The following RSRC1 variants were observed in gnomAD, a reference collection of about 807,000 sequenced individuals.
RSRC1 encodes arginine and serine rich coiled-coil 1.
Under a neutral mutation model 49.1 loss-of-function variants are expected in RSRC1, and 39 were observed. The observed-to-expected ratio is 0.79, with a 90% CI of 0.61 to 1.04. The LOEUF is 1.04. Among genes scored for constraint, RSRC1 ranks in the 50% least tolerant of loss-of-function variants. The pLI is 0.00. For synonymous variants in RSRC1, 143 were observed against 130.8 expected (o/e 1.09, Z -0.63); for missense variants, 388 against 402.4 (o/e 0.96, Z 0.31).
At chr3:158,144,460 G>A (rs558348903) in intron 3 of RSRC1, among the ~76,000 whole-genome samples, 1 of 152,248 alleles carries the variant, frequency 6.6e-6, no homozygotes, top group South Asian at 2.1e-4. Flanking sequence ...CAAAGGACAT[G>A]AACTCATCAT....
intron 5 of RSRC1, among the ~76,000 whole-genome samples, chr3:158,332,908 A>G (rs1051179005): frequency 4.0e-5 from 6 of 151,824 alleles, no homozygotes; most frequent in Non-Finnish European, 5.9e-5. Context: ...TGCTACTTCC[A>G]TCATGGATTT....
chr3:158,202,357 C>A (rs931743683), intron 3 of RSRC1, among the ~76,000 whole-genome samples: 1 of 151,096 alleles, frequency 6.6e-6, no homozygotes, highest in Non-Finnish European at 1.5e-5. Flanking sequence ...GGAAGTGGGT[C>A]ATCATAAAGG....
intron 4 of RSRC1, among the ~76,000 whole-genome samples, chr3:158,227,770 G>T (rs1484335978): frequency 6.6e-6 from 1 of 152,052 alleles, no homozygotes; most frequent in Non-Finnish European, 1.5e-5. Context: ...TTTCAGCTTT[G>T]TGGGCATACA....
At chr3:158,389,892 A>T (rs558016712) in intron 6 of RSRC1, among the ~76,000 whole-genome samples, 11 of 152,342 alleles carry the variant, frequency 7.2e-5, no homozygotes, top group African/African-American at 2.6e-4. Flanking sequence ...AACTAAAAAC[A>T]TCATTATACA....
intron 3 of RSRC1, among the ~76,000 whole-genome samples, chr3:158,163,949 T>C (rs1346520896): frequency 6.6e-6 from 1 of 152,158 alleles, no homozygotes; most frequent in African/African-American, 2.4e-5. Flanking sequence ...CTTCCCTTAC[T>C]ATAAGTCTTC....
chr3:158,118,454 TGTGTGTGTGC>T (rs199868705), intron 1 of RSRC1, among the ~76,000 whole-genome samples: 1,896 of 137,706 alleles, frequency 0.014, 59 homozygotes, highest in African/African-American at 0.05. Flanking sequence ...TGTGTGTGTG[TGTGTGTGTGC>T]GCGTGCGCGT....
At chr3:158,518,095 CGTGT>C (rs1263691994) in intron 7 of RSRC1, among the ~76,000 whole-genome samples, 2,431 of 76,720 alleles carry the variant, frequency 0.032, 133 homozygotes, top group African/African-American at 0.049. Flanking sequence ...TAAGTGCGTG[CGTGT>C]GTGTGTGTGT....
chr3:158,473,597 G>A (rs1216385289), intron 7 of RSRC1, among the ~76,000 whole-genome samples: 4 of 151,780 alleles, frequency 2.6e-5, no homozygotes, highest in Non-Finnish European at 5.9e-5. Context: ...CACCAACATG[G>A]CACATGTATA....
intron 6 of RSRC1, among the ~76,000 whole-genome samples, chr3:158,385,404 C>T (rs1331405520): frequency 1.3e-5 from 2 of 152,150 alleles, no homozygotes; most frequent in African/African-American, 2.4e-5. Context: ...AAAAAGTGCA[C>T]TGGAAACACA....
intron 5 of RSRC1, among the ~76,000 whole-genome samples, chr3:158,318,511 G>T (rs1174209391): frequency 6.6e-6 from 1 of 152,192 alleles, no homozygotes; most frequent in Non-Finnish European, 1.5e-5. Context: ...GTGGATGTCA[G>T]TGTCCCCCAA....
Position 158,211,970 on chromosome 3 carries a change from A to G in RSRC1, c.494+8725A>G, listed in dbSNP as rs531561781. ...TACTTTCTTCTCTACTTTTCTTGCC[A>G]GTTGCTATTCATCTTTTTGGGTTCA... On this transcript the variant is annotated intron_variant, in intron 4 of 9. Coordinates refer to ENST00000611884, the MANE Select transcript of RSRC1 (RefSeq NM_001271838.2). Among the ~76,000 whole-genome samples, 16 of 151,890 alleles carry G rather than the reference A, an allele frequency of 1.1e-4. No individual in the cohort carries two copies. In the East Asian group the frequency reaches 2.9e-3, roughly 28 times the overall value.
At chr3:158,316,186 G>A (rs1455558833) in intron 5 of RSRC1, among the ~76,000 whole-genome samples, 1 of 150,210 alleles carries the variant, frequency 6.7e-6, no homozygotes, top group African/African-American at 2.5e-5. Context: ...AAAAAAAAAA[G>A]CTGATAATAA....
chr3:158,259,338 A>G (rs1724757863), intron 4 of RSRC1, among the ~76,000 whole-genome samples: 1 of 152,060 alleles, frequency 6.6e-6, no homozygotes, highest in African/African-American at 2.4e-5. Context: ...CCTCGTAGAG[A>G]TACTACTTTG....
intron 6 of RSRC1, among the ~76,000 whole-genome samples, chr3:158,424,157 AG>A (rs1735261383): frequency 6.6e-6 from 1 of 152,126 alleles, no homozygotes. Context: ...GTCTTGTGCC[AG>A]TTTTCAAAGG....
intron 4 of RSRC1, among the ~76,000 whole-genome samples, chr3:158,221,714 C>T (rs1422530395): frequency 6.6e-6 from 1 of 151,492 alleles, no homozygotes; most frequent in Non-Finnish European, 1.5e-5. Flanking sequence ...ATGCTTATTG[C>T]TTTGCCTCAA....
chr3:158,218,596 A>G (rs1222002317), intron 4 of RSRC1, among the ~76,000 whole-genome samples: 2 of 151,654 alleles, frequency 1.3e-5, no homozygotes, highest in African/African-American at 4.8e-5. Flanking sequence ...GAGGAGAATG[A>G]AAGTAGTCAG....
intron 5 of RSRC1, among the ~76,000 whole-genome samples, chr3:158,345,254 A>G (rs1730485668): frequency 6.6e-6 from 1 of 151,986 alleles, no homozygotes; most frequent in Non-Finnish European, 1.5e-5. Context: ...AATCTAAGAG[A>G]AGGCAGAAAA....
At chr3:158,258,176 C>G (rs1415027660) in intron 4 of RSRC1, among the ~76,000 whole-genome samples, 1 of 135,540 alleles carries the variant, frequency 7.4e-6, no homozygotes, top group South Asian at 2.5e-4. Context: ...CATTAATGCC[C>G]TTTTCTTTCA....
intron 3 of RSRC1, among the ~76,000 whole-genome samples, chr3:158,139,434 A>G (rs1348813935): frequency 6.6e-6 from 1 of 152,040 alleles, no homozygotes; most frequent in African/African-American, 2.4e-5. Context: ...TTTAATAAGC[A>G]TGTTTATCTT....
Sources: gnomAD v4.1 joint callset for allele counts (sites outside exome capture counted in the v4.1 genomes callset) on GRCh38, gnomAD v4.1.1 for gene constraint, MANE v1.5 for transcripts, NCBI Gene and HGNC (gene_info 2026-07-23, HGNC 2026-07-21) for gene names.